Variants in CSMD3 observed in about 807,000 individuals in gnomAD.
CSMD3 encodes the protein CUB and sushi domain-containing protein 3.
Under a neutral mutation model 435.2 loss-of-function variants are expected in CSMD3, and 177 were observed. The ratio of observed to expected loss-of-function variants is 0.41; its 90% CI spans 0.36 to 0.46. CSMD3 has a LOEUF of 0.46. Ranked by LOEUF, CSMD3 falls within the 20% of genes least tolerant of loss-of-function variation. CSMD3 has a pLI of 0.34. For missense variants in CSMD3, 4,265 were observed against 4,504.6 expected (o/e 0.95, Z 1.52); for synonymous variants, 1,656 against 1,520.5 (o/e 1.09, Z -2.07).
In CSMD3 at chr8:112,322,960, G is replaced by A. The variant is rs531130997; in HGVS notation, c.7166-2979C>T. ...ACAGAATGTAGGTTTCTTCAAGAGGGAAGCAGTCTCTCAACAGTCTTCCCT... is the reference window on the plus strand; with the variant it reads ...ACAGAATGTAGGTTTCTTCAAGAGGAAAGCAGTCTCTCAACAGTCTTCCCT... On this transcript the variant is annotated intron_variant, in intron 45 of 70. Transcript: ENST00000297405. Among the ~76,000 whole-genome samples the A allele has an allele frequency of 2.0e-5, 3 of 152,092 alleles. No homozygotes were observed. In the South Asian group the frequency reaches 6.2e-4, roughly 32 times the overall value.
intron 4 of CSMD3, among the ~76,000 whole-genome samples, chr8:113,127,058 A>G (rs140622799): frequency 5.9e-5 from 9 of 152,142 alleles, no homozygotes; most frequent in African/African-American, 1.9e-4. Context: ...ATAGCACCAC[A>G]ACACCACTTT....
chr8:112,896,751 T>C (rs1272066370), intron 10 of CSMD3, among the ~76,000 whole-genome samples: 1 of 151,452 alleles, frequency 6.6e-6, no homozygotes, highest in Non-Finnish European at 1.5e-5. Context: ...TTATATTTGG[T>C]TCCATTCCTC....
intron 68 of CSMD3, 77 bp from the exon 69 acceptor site, chr8:112,231,709 T>C: frequency 1.1e-6 from 1 of 898,120 alleles, no homozygotes; most frequent in Non-Finnish European, 1.9e-6. Flanking sequence ...AAATACACAA[T>C]TTTATTCTGA....
chr8:112,619,424 A>G (rs1230018068), intron 22 of CSMD3, among the ~76,000 whole-genome samples: 1 of 151,970 alleles, frequency 6.6e-6, no homozygotes, highest in African/African-American at 2.4e-5. Flanking sequence ...AATATATCCT[A>G]TTCCATTCAC....
chr8:113,378,295 A>G (rs1306103605), intron 1 of CSMD3, among the ~76,000 whole-genome samples: 1 of 152,210 alleles, frequency 6.6e-6, no homozygotes, highest in Non-Finnish European at 1.5e-5. Context: ...TACGTATCCA[A>G]TGCCTCCTCA....
At chr8:112,544,559 AAAT>A (rs2131155920) in intron 27 of CSMD3, among the ~76,000 whole-genome samples, 1 of 152,324 alleles carries the variant, frequency 6.6e-6, no homozygotes, top group East Asian at 1.9e-4. Flanking sequence ...TCACTTATCT[AAAT>A]AAGTTTTATT....
chr8:113,330,446 T>TA (rs2094018731), intron 1 of CSMD3, among the ~76,000 whole-genome samples: 1 of 151,876 alleles, frequency 6.6e-6, no homozygotes, highest in African/African-American at 2.4e-5. Context: ...ATGACAAGAA[T>TA]AAGTTCTGCC....
chr8:112,338,605 T>TA (rs1188278111), intron 42 of CSMD3, among the ~76,000 whole-genome samples: 3 of 152,088 alleles, frequency 2.0e-5, no homozygotes, highest in African/African-American at 4.8e-5. Context: ...ATTCCTCAAA[T>TA]AAAAAATCAC....
At position 112,984,855 on chromosome 8, in the gene CSMD3, C is replaced by T. The variant is rs576279943; in HGVS notation, c.1031-8707G>A. Among the ~76,000 whole-genome samples the T allele has an allele frequency of 2.0e-5, 3 of 152,016 alleles. No individual in the cohort carries two copies. The South Asian group carries it at 6.2e-4, about 31-fold the overall frequency. On this transcript the variant is annotated intron_variant, in intron 6 of 70. Transcript: ENST00000297405. The stretch of plus-strand genomic sequence containing the variant: ...ACACCAATGAGAATGGAGATTTTTC[C>T]TCTTTCTCTATGTTTCAATCACATT...
chr8:113,409,492 A>T (rs187738608), intron 1 of CSMD3, among the ~76,000 whole-genome samples: 1 of 152,204 alleles, frequency 6.6e-6, no homozygotes, highest in African/African-American at 2.4e-5. Flanking sequence ...ACGCATTGTA[A>T]ACTCCACAAT....
rs1018315574 is a variant in CSMD3 at position 112,707,493 on chromosome 8, G to T, written c.1973-17443C>A. Among the ~76,000 whole-genome samples, 5 of 150,542 alleles carry T rather than the reference G, an allele frequency of 3.3e-5. No individual in the cohort carries two copies. The South Asian group carries it at 1.0e-3, about 32-fold the overall frequency. On this transcript the variant is annotated intron_variant, in intron 13 of 70. Transcript: ENST00000297405. ...GTGGTGGTGGTGCGGCGGGAGGGGG[G>T]TGGTTCCTAGATGAATGGGACTAGG...
intron 35 of CSMD3, among the ~76,000 whole-genome samples, chr8:112,395,268 C>T (rs1381968245): frequency 1.3e-5 from 2 of 152,088 alleles, no homozygotes; most frequent in African/African-American, 4.8e-5. Context: ...AGAGGTTTTA[C>T]TATCTGTAAA....
intron 6 of CSMD3, among the ~76,000 whole-genome samples, chr8:112,997,363 C>T (rs2085692597): frequency 2.0e-5 from 3 of 151,590 alleles, no homozygotes. Context: ...AAAGTAATTA[C>T]TCATCTCACT....
chr8:112,293,194 G>A (rs1014966737), intron 54 of CSMD3, among the ~76,000 whole-genome samples: 1 of 151,974 alleles, frequency 6.6e-6, no homozygotes, highest in Admixed American at 6.6e-5. Context: ...AGTTAAGGCT[G>A]TAGTGAGCAT....
At chr8:112,788,961 T>C (rs2078621134) in intron 13 of CSMD3, among the ~76,000 whole-genome samples, 1 of 152,144 alleles carries the variant, frequency 6.6e-6, no homozygotes, top group Admixed American at 6.6e-5. Context: ...AAAAGCCCTC[T>C]TTATTCTGAG....
In CSMD3 at chr8:112,431,472, A is replaced by G. The variant is rs565859807; in HGVS notation, c.5396-22440T>C. Reference sequence around the variant, plus strand: ...TTATACATAAAACATACAGTACACTAAAAGTTGCAGATTGCTAGTAATGAC... The same window carrying G: ...TTATACATAAAACATACAGTACACTGAAAGTTGCAGATTGCTAGTAATGAC... On this transcript the variant is annotated intron_variant, in intron 32 of 70. Coordinates refer to ENST00000297405, the MANE Select transcript of CSMD3 (RefSeq NM_198123.2). 1.8e-4 allele frequency among the ~76,000 whole-genome samples: 28 copies of G among 152,240 alleles called. No homozygotes were observed. In the South Asian group the frequency reaches 5.6e-3, roughly 30 times the overall value.
Position 112,409,742 on chromosome 8 carries a change from T to C in CSMD3, c.5396-710A>G, listed in dbSNP as rs1446390064. Among the ~76,000 whole-genome samples the C allele has an allele frequency of 2.0e-5, 3 of 151,980 alleles. No homozygotes were observed. The East Asian group carries it at 5.8e-4, about 29-fold the overall frequency. On this transcript the variant is annotated intron_variant, in intron 32 of 70. Coordinates refer to ENST00000297405, the MANE Select transcript of CSMD3 (RefSeq NM_198123.2). ...TTTATAGATGTGTCTTTTTCCTCCA[T>C]TTTTACTTATCCTTTAATTACATAC...
chr8:112,241,863 C>T, intron 65 of CSMD3, 78 bp from the exon 66 acceptor site: 1 of 870,810 alleles, frequency 1.1e-6, no homozygotes, highest in Non-Finnish European at 2.0e-6. Context: ...CACACGCACA[C>T]ACACACACAG....
chr8:112,959,971 A>C (rs1049145177), intron 7 of CSMD3, among the ~76,000 whole-genome samples: 1 of 151,916 alleles, frequency 6.6e-6, no homozygotes, highest in African/African-American at 2.4e-5. Flanking sequence ...TTTTCTATTC[A>C]GTTCTAAGAG....
Sources: allele counts gnomAD v4.1 joint callset (sites outside exome capture counted in the v4.1 genomes callset), GRCh38; gene constraint gnomAD v4.1.1; transcripts MANE v1.5; gene names NCBI Gene and HGNC (gene_info 2026-07-23, HGNC 2026-07-21).